UBAC2: variants seen among roughly 807,000 people sequenced by gnomAD.
UBAC2 encodes the protein ubiquitin-associated domain-containing protein 2.
In UBAC2, 26 loss-of-function variants were observed where a neutral mutation model predicts 44.0. The ratio of observed to expected loss-of-function variants is 0.59; its 90% confidence interval spans 0.43 to 0.82. The LOEUF (loss-of-function observed/expected upper bound fraction) is 0.82, where lower values mean the gene tolerates loss of function less well. UBAC2 is among the 40% of genes least tolerant of loss of function. UBAC2 has a pLI of 0.00. For missense variants in UBAC2, 329 were observed against 419.4 expected (o/e 0.78, Z 1.88); for synonymous variants, 155 against 154.3 (o/e 1.00, Z -0.04).
chr13:99,367,019 A>G (rs1310206388), intron 7 of UBAC2, among the ~76,000 whole-genome samples: 1 of 152,262 alleles, frequency 6.6e-6, no homozygotes, highest in Non-Finnish European at 1.5e-5. Context: ...AATAAATTCA[A>G]AGATTGCCAT....
intron 4 of UBAC2, among the ~76,000 whole-genome samples, chr13:99,293,017 G>A (rs556244955): frequency 2.0e-5 from 3 of 152,304 alleles, no homozygotes; most frequent in East Asian, 3.9e-4. Context: ...GCCCACAGCC[G>A]TGTATGAACA....
At chr13:99,305,498 T>C (rs1333174544) in intron 4 of UBAC2, among the ~76,000 whole-genome samples, 1 of 152,236 alleles carries the variant, frequency 6.6e-6, no homozygotes, top group African/African-American at 2.4e-5. Flanking sequence ...TTCTTGAGGA[T>C]GATGACTTGA....
In UBAC2 at chr13:99,385,293, C is replaced by T; in HGVS notation, c.993C>T (p.Asn331=). 1 of 1,614,170 alleles carries T rather than the reference C, an allele frequency of 6.2e-7. No homozygotes were observed. Among genetic ancestry groups the T allele is most frequent in the Non-Finnish European group, 8.5e-7 (1 of 1,180,036 alleles). Residue 331 remains asparagine (N), a synonymous_variant, in exon 9 of 9, where the codon AAC becomes AAT. Transcript: ENST00000403766. ...GDALEALRAS[N]NDLNVATNFL... The stretch of plus-strand genomic sequence containing the variant: ...CTTTGGAAGCCCTGAGAGCTTCAAA[C>T]AATGACCTCAATGTCGCCACCAACT...
At chr13:99,243,385 G>C (rs2043343813) in intron 2 of UBAC2, among the ~76,000 whole-genome samples, 1 of 152,050 alleles carries the variant, frequency 6.6e-6, no homozygotes, top group Non-Finnish European at 1.5e-5. Context: ...TTGCTATGAA[G>C]TAAGTTGATG....
At chr13:99,203,023 T>TTTTTTTTATTTATTTA (rs1555317916) in intron 1 of UBAC2, among the ~76,000 whole-genome samples, 1 of 146,422 alleles carries the variant, frequency 6.8e-6, no homozygotes, top group African/African-American at 2.5e-5. Context: ...CTTTGTTTTA[T>TTTTTTTTATTTATTTA]TTTATTTATT....
intron 4 of UBAC2, among the ~76,000 whole-genome samples, chr13:99,296,628 A>G (rs1202850096): frequency 1.3e-5 from 2 of 152,212 alleles, no homozygotes. Flanking sequence ...ACTGCCAGGA[A>G]ATGAAATCAG....
Position 99,375,432 on chromosome 13 carries a change from A to C in UBAC2, c.927+7526A>C, listed in dbSNP as rs115062436. On this transcript the variant is annotated intron_variant, in intron 8 of 8. Transcript: ENST00000403766. The stretch of plus-strand genomic sequence containing the variant: ...GGTAACCGGTGCCAGTTGCTATGAC[A>C]GCAGTGGGCGAGGCAGGCCCAGCAC... Among the ~76,000 whole-genome samples the C allele has an allele frequency of 6.7e-3, 1,026 of 152,308 alleles. 12 individuals are homozygous for C. Among genetic ancestry groups the C allele is most frequent in the Middle Eastern group, 0.027 (8 of 294 alleles).
At chr13:99,356,377 G>C (rs1172883946) in intron 7 of UBAC2, 197 of 344,156 alleles carry the variant, frequency 5.7e-4, no homozygotes, top group Non-Finnish European at 8.0e-5. Flanking sequence ...GGGGCAGAGG[G>C]CAGCCGATAG....
At chr13:99,290,572 A>G (rs568300096) in intron 4 of UBAC2, among the ~76,000 whole-genome samples, 1 of 152,072 alleles carries the variant, frequency 6.6e-6, no homozygotes, top group East Asian at 1.9e-4. Context: ...TAAAAATACA[A>G]AAATTAGCTG....
At chr13:99,263,106 C>T (rs551882568) in intron 4 of UBAC2, among the ~76,000 whole-genome samples, 2 of 152,194 alleles carry the variant, frequency 1.3e-5, no homozygotes, top group South Asian at 2.1e-4. Context: ...CTGTATTTTG[C>T]ATTATAATAT....
intron 4 of UBAC2, among the ~76,000 whole-genome samples, chr13:99,264,585 C>T (rs2043716171): frequency 6.6e-6 from 1 of 152,154 alleles, no homozygotes; most frequent in African/African-American, 2.4e-5. Flanking sequence ...GTGCCACTAA[C>T]TGACCAGGTT....
intron 1 of UBAC2, among the ~76,000 whole-genome samples, chr13:99,233,816 G>GA (rs887774160): frequency 4.3e-4 from 64 of 150,440 alleles, no homozygotes; most frequent in Non-Finnish European, 6.7e-4. Flanking sequence ...AAGGATGGGA[G>GA]AAAAAAAAAG....
chr13:99,263,409 A>G (rs1037687229), intron 4 of UBAC2, among the ~76,000 whole-genome samples: 6 of 152,200 alleles, frequency 3.9e-5, no homozygotes, highest in Admixed American at 1.3e-4. Context: ...AATCTGCTCA[A>G]CTTTTTATTA....
At chr13:99,257,094 C>T (rs2043575764) in intron 4 of UBAC2, among the ~76,000 whole-genome samples, 1 of 152,094 alleles carries the variant, frequency 6.6e-6, no homozygotes, top group Non-Finnish European at 1.5e-5. Context: ...CTTTCCCTTC[C>T]CTTCCCTTCC....
rs140955383 is a variant in UBAC2 at position 99,254,961 on chromosome 13, A to G, written c.389+10337A>G. The stretch of plus-strand genomic sequence containing the variant: ...TTCTGCGCATGCTTCGAAGGTAATT[A>G]CGGTATAGCATGACACTAATGACTC... On this transcript the variant is annotated intron_variant, in intron 4 of 8. Transcript: ENST00000403766. 6.6e-4 allele frequency: 1,069 copies of G among 1,614,046 alleles called. 9 individuals are homozygous for G. The African/African-American group carries it at 0.012, about 18-fold the overall frequency.
intron 4 of UBAC2, among the ~76,000 whole-genome samples, chr13:99,298,889 ATTTTTCTAAGTTCTTTGAAAATGTATT>A (rs1255038219): frequency 1.3e-4 from 20 of 152,174 alleles, no homozygotes; most frequent in South Asian, 8.3e-4. Flanking sequence ...TTTTATTAAT[ATTTTTCTAAGTTCTTTGAAAATGTATT>A]TTTTTCTAAG....
chr13:99,276,560 G>T (rs1733091187), intron 4 of UBAC2, among the ~76,000 whole-genome samples: 1 of 152,220 alleles, frequency 6.6e-6, no homozygotes, highest in African/African-American at 2.4e-5. Flanking sequence ...CACCCTCTCA[G>T]CACTTCCATG....
At chr13:99,237,477 C>A (rs1425077704) in intron 1 of UBAC2, among the ~76,000 whole-genome samples, 1 of 151,898 alleles carries the variant, frequency 6.6e-6, no homozygotes, top group Non-Finnish European at 1.5e-5. Flanking sequence ...TTATCAGAGG[C>A]TGGGAAGGGT....
intron 4 of UBAC2, among the ~76,000 whole-genome samples, chr13:99,249,059 G>A (rs1289023820): frequency 6.6e-6 from 1 of 152,190 alleles, no homozygotes; most frequent in Non-Finnish European, 1.5e-5. Flanking sequence ...GGGGGTACAT[G>A]TGAAGGTTTG....
Sources: allele counts gnomAD v4.1 joint callset (sites outside exome capture counted in the v4.1 genomes callset), GRCh38; gene constraint gnomAD v4.1.1; transcripts MANE v1.5; gene names NCBI Gene and HGNC (gene_info 2026-07-23, HGNC 2026-07-21).